The following CDH8 variants were observed in gnomAD, a reference collection of about 807,000 sequenced individuals.
CDH8 encodes the protein cadherin 8.
CDH8 carries 17 observed loss-of-function variants against 68.1 expected under a neutral mutation model. The ratio of observed to expected loss-of-function variants is 0.25; its 90% CI spans 0.17 to 0.37. CDH8 has a LOEUF of 0.37. CDH8 is among the 10% of genes least tolerant of loss of function. The pLI is 1.00. For missense variants in CDH8, 763 were observed against 999.3 expected (o/e 0.76, Z 3.19); for synonymous variants, 372 against 365.1 (o/e 1.02, Z -0.21).
chr16:62,004,528 G>A (rs147157132), intron 2 of CDH8, among the ~76,000 whole-genome samples: 2 of 152,168 alleles, frequency 1.3e-5, no homozygotes, highest in East Asian at 3.9e-4. Context: ...ACAAGCCACC[G>A]GGGTTATAAC....
intron 5 of CDH8, 99 bp from the exon 6 acceptor site, chr16:61,821,212 TC>T: frequency 1.3e-6 from 1 of 764,418 alleles, no homozygotes; most frequent in East Asian, 2.7e-5. Context: ...TTCTGGGCAT[TC>T]CTATAGATGC....
intron 10 of CDH8, among the ~76,000 whole-genome samples, chr16:61,661,523 TA>T (rs1434589452): frequency 6.6e-6 from 1 of 151,892 alleles, no homozygotes; most frequent in East Asian, 1.9e-4. Flanking sequence ...AAGGGAAATT[TA>T]AAAAAATTAT....
intron 4 of CDH8, among the ~76,000 whole-genome samples, chr16:61,840,182 C>G (rs1178508380): frequency 6.6e-6 from 1 of 152,018 alleles, no homozygotes; most frequent in African/African-American, 2.4e-5. Flanking sequence ...GCTTAGAATC[C>G]CAACAGCTAT....
intron 1 of CDH8, among the ~76,000 whole-genome samples, chr16:62,028,991 G>A (rs1021187418): frequency 2.0e-5 from 3 of 152,084 alleles, no homozygotes; most frequent in Admixed American, 6.5e-5. Flanking sequence ...TAATTCAGCC[G>A]AACTGTGGAA....
chr16:61,994,039 C>T (rs1167044690), intron 2 of CDH8, among the ~76,000 whole-genome samples: 4 of 152,110 alleles, frequency 2.6e-5, no homozygotes, highest in Admixed American at 6.6e-5. Context: ...AGTGCAAACC[C>T]CTAAGAATAC....
At chr16:61,955,762 T>C (rs1157260778) in intron 2 of CDH8, among the ~76,000 whole-genome samples, 1 of 152,174 alleles carries the variant, frequency 6.6e-6, no homozygotes, top group African/African-American at 2.4e-5. Context: ...TCAATTACAG[T>C]GCCTAGTATC....
intron 8 of CDH8, among the ~76,000 whole-genome samples, chr16:61,764,065 A>C (rs72798709): frequency 0.16 from 23,954 of 152,114 alleles, 3,071 homozygotes; most frequent in African/African-American, 0.36. Context: ...ATTACTTGAC[A>C]ATTGCAATGG....
In CDH8 at chr16:61,820,946, C is replaced by T. The variant is rs745340656; in HGVS notation, c.1003G>A (p.Gly335Ser). ...CTTACTTTTCTTAGCCTTATAATGC[C>T]ATCCTGGGCCTGGGCATCAGAAGTG... is the stretch of plus-strand genomic sequence containing the variant. ...EITSDAQAQD[G>S]IIRLRKPLDF... is the part of the protein sequence containing the mutation. Residue 335 changes from glycine (G) to serine (S), a missense_variant, in exon 6 of 12, where the codon GGC becomes AGC. Coordinates refer to ENST00000577390, the MANE Select transcript of CDH8 (RefSeq NM_001796.5). 1 of 1,611,616 alleles carries T rather than the reference C, an allele frequency of 6.2e-7. No individual in the cohort carries two copies. Among genetic ancestry groups the T allele is most frequent in the Non-Finnish European group, 8.5e-7 (1 of 1,178,522 alleles).
intron 3 of CDH8, among the ~76,000 whole-genome samples, chr16:61,879,198 T>A (rs529129894): frequency 2.0e-5 from 3 of 152,284 alleles, no homozygotes; most frequent in South Asian, 2.1e-4. Flanking sequence ...TTAAAAAAAA[T>A]TTACTTATAT....
At chr16:61,728,252 AT>A (rs5817307) in intron 8 of CDH8, among the ~76,000 whole-genome samples, 18,424 of 146,842 alleles carry the variant, frequency 0.13, 1,161 homozygotes, top group South Asian at 0.18. Context: ...TAAAATACTC[AT>A]TTTTTTTTTT....
intron 6 of CDH8, 41 bp from the exon 7 acceptor site, chr16:61,817,773 C>A: frequency 1.3e-6 from 2 of 1,524,406 alleles, no homozygotes; most frequent in Non-Finnish European, 1.8e-6. Context: ...TCACTAATGA[C>A]CACAGCAGCA....
intron 1 of CDH8, among the ~76,000 whole-genome samples, chr16:62,033,048 G>A (rs1902365563): frequency 6.6e-6 from 1 of 152,146 alleles, no homozygotes; most frequent in Admixed American, 6.5e-5. Flanking sequence ...ATTCTTTGGA[G>A]TTTCTGTGCT....
chr16:61,748,004 A>G (rs968354557), intron 8 of CDH8, among the ~76,000 whole-genome samples: 1 of 152,050 alleles, frequency 6.6e-6, no homozygotes, highest in African/African-American at 2.4e-5. Flanking sequence ...GATTTTTTCC[A>G]TCAAGGCATT....
intron 2 of CDH8, among the ~76,000 whole-genome samples, chr16:62,010,531 T>C (rs1901781966): frequency 6.6e-6 from 1 of 152,230 alleles, no homozygotes; most frequent in Non-Finnish European, 1.5e-5. Context: ...TGTATAATGG[T>C]ACCTTTATCA....
intron 10 of CDH8, among the ~76,000 whole-genome samples, chr16:61,682,730 A>C (rs894843224): frequency 6.6e-6 from 1 of 152,066 alleles, no homozygotes; most frequent in South Asian, 2.1e-4. Flanking sequence ...CTGTCCAAGA[A>C]GCCATGGAGC....
At chr16:61,728,302 T>C (rs1280616758) in intron 8 of CDH8, among the ~76,000 whole-genome samples, 1 of 150,708 alleles carries the variant, frequency 6.6e-6, no homozygotes, top group African/African-American at 2.4e-5. Context: ...ATACACCAAA[T>C]AGCTATATTT....
intron 2 of CDH8, among the ~76,000 whole-genome samples, chr16:61,955,997 C>G (rs77127640): frequency 0.014 from 2,077 of 152,216 alleles, 43 homozygotes; most frequent in African/African-American, 0.043. Context: ...ATTCAAATAC[C>G]TTTATTTACA....
At chr16:62,010,788 A>C (rs2150603942) in intron 2 of CDH8, among the ~76,000 whole-genome samples, 1 of 152,062 alleles carries the variant, frequency 6.6e-6, no homozygotes, top group Middle Eastern at 3.4e-3. Flanking sequence ...AAAATACAAA[A>C]AAAAATTAGC....
At chr16:61,755,290 G>A (rs940921456) in intron 8 of CDH8, among the ~76,000 whole-genome samples, 8 of 152,114 alleles carry the variant, frequency 5.3e-5, no homozygotes, top group African/African-American at 1.4e-4. Flanking sequence ...TTAACATACG[G>A]AATAATCAGA....
Sources: allele counts gnomAD v4.1 joint callset (sites outside exome capture counted in the v4.1 genomes callset), GRCh38; gene constraint gnomAD v4.1.1; transcripts MANE v1.5; gene names NCBI Gene and HGNC (gene_info 2026-07-23, HGNC 2026-07-21).